ARID4A: variants seen among roughly 807,000 people sequenced by gnomAD.
ARID4A encodes the protein AT-rich interaction domain 4A, also known as AT-rich interactive domain-containing protein 4A.
A neutral mutation model predicts 148.6 loss-of-function variants in ARID4A; 39 were observed. That is an observed-to-expected ratio of 0.26 (90% confidence interval 0.20 to 0.34). The LOEUF is 0.34. Among genes scored for constraint, ARID4A ranks in the 10% least tolerant of loss-of-function variants. The probability of loss-of-function intolerance (pLI) is 1.00; values close to 1 mark genes in which losing one functional copy is unlikely to be tolerated. For synonymous variants in ARID4A, 475 were observed against 481.2 expected, an observed-to-expected ratio of 0.99 and a Z score of 0.17; for missense variants, 1,265 against 1,449.1, an observed-to-expected ratio of 0.87 and a Z score of 2.06.
chr14:58,354,228 A>G (rs1213193869), intron 17 of ARID4A, among the ~76,000 whole-genome samples: 7 of 152,226 alleles, frequency 4.6e-5, no homozygotes, highest in Non-Finnish European at 8.8e-5. Flanking sequence ...ATTACTGACT[A>G]TGAGCAGGGA....
chr14:58,371,248 TAAATA>T (rs775889222), intron 23 of ARID4A, among the ~76,000 whole-genome samples: 10 of 152,224 alleles, frequency 6.6e-5, no homozygotes, highest in African/African-American at 9.6e-5. Context: ...ATTAAAATTT[TAAATA>T]AAATAGGAAC....
chr14:58,323,547 A>G lies in ARID4A; in HGVS notation c.512A>G (p.Asn171Ser). The G allele has an allele frequency of 6.2e-7, 1 of 1,614,024 alleles. No homozygotes were observed. The highest frequency in any genetic ancestry group is 8.5e-7 in the Non-Finnish European group (1 of 1,179,976). The change falls in exon 8 of 24, where the codon AAT becomes AGT. Residue 171 changes from asparagine to serine, a missense_variant. Coordinates refer to ENST00000355431, the MANE Select transcript of ARID4A (RefSeq NM_002892.4). The stretch of plus-strand genomic sequence containing the variant: ...GAAGATGAAGACAAGCGCCGTCTCA[A>G]TGATGAATTACTAGGAAAAGTTGTA... ...EEEDEDKRRL[N>S]DELLGKVVSV...
intron 8 of ARID4A, among the ~76,000 whole-genome samples, chr14:58,325,802 A>G (rs908785079): frequency 1.2e-4 from 18 of 152,142 alleles, no homozygotes; most frequent in Non-Finnish European, 1.9e-4. Context: ...TTTCAGTTGT[A>G]TAGAAAAATA....
chr14:58,340,406 G>T (rs2034057276), intron 11 of ARID4A, among the ~76,000 whole-genome samples: 1 of 152,004 alleles, frequency 6.6e-6, no homozygotes, highest in African/African-American at 2.4e-5. Context: ...CTGGAGTGCA[G>T]TGGCACAATC....
chr14:58,344,065 T>C (rs2034240964), intron 11 of ARID4A, among the ~76,000 whole-genome samples: 1 of 152,114 alleles, frequency 6.6e-6, no homozygotes, highest in Non-Finnish European at 1.5e-5. Context: ...CAAAGTCAAG[T>C]ACAGGGGCCA....
At chr14:58,370,874 G>GT (rs781260529) in intron 23 of ARID4A, among the ~76,000 whole-genome samples, 9 of 152,292 alleles carry the variant, frequency 5.9e-5, no homozygotes, top group Non-Finnish European at 7.3e-5. Context: ...GCCTCCCAAA[G>GT]TGCTGAGATT....
In ARID4A at chr14:58,301,708, G is replaced by A; in HGVS notation, c.117+18G>A. The stretch of plus-strand genomic sequence containing the variant: ...AAGTTAAGGTAATATTTGTTTTTAT[G>A]CAATAGTTTTATTAACTCTAGATTG... On this transcript the variant is annotated intron_variant, in intron 3 of 23. Coordinates refer to ENST00000355431, the MANE Select transcript of ARID4A (RefSeq NM_002892.4). The A allele has an allele frequency of 6.3e-7, 1 of 1,587,290 alleles. No homozygotes were observed. The highest frequency in any genetic ancestry group is 8.6e-7 in the Non-Finnish European group (1 of 1,157,624).
intron 11 of ARID4A, among the ~76,000 whole-genome samples, chr14:58,342,859 A>G (rs147437620): frequency 3.3e-5 from 5 of 152,130 alleles, no homozygotes; most frequent in Non-Finnish European, 7.4e-5. Flanking sequence ...GGTTGCACTG[A>G]GCTGAGATTG....
Position 58,299,111 on chromosome 14 carries a change from G to T in ARID4A, c.-58+411G>T, listed in dbSNP as rs542640720. ...GGCTGTACAAAAAGTTGAGGCGGGCGCTGGGAGGAGGCAGCGGCTGCTGCG... is the reference window on the plus strand; with the variant it reads ...GGCTGTACAAAAAGTTGAGGCGGGCTCTGGGAGGAGGCAGCGGCTGCTGCG... On this transcript the variant is annotated intron_variant, in intron 1 of 23. Coordinates refer to ENST00000355431, the MANE Select transcript of ARID4A (RefSeq NM_002892.4). Among the ~76,000 whole-genome samples, 17 of 152,292 alleles carry T rather than the reference G, an allele frequency of 1.1e-4. No homozygotes were observed. The South Asian group carries it at 2.7e-3, about 24-fold the overall frequency.
chr14:58,344,831 G>A, intron 12 of ARID4A, 64 bp downstream of exon 12: 2 of 1,211,714 alleles, frequency 1.7e-6, no homozygotes, highest in Non-Finnish European at 2.4e-6. Flanking sequence ...CTAGGTATAT[G>A]CATTGTTTTT....
rs760911891 is a variant in ARID4A at position 58,347,001 on chromosome 14, T to C, written c.1075-19T>C. On this transcript the variant is annotated intron_variant, in intron 13 of 23. Transcript: ENST00000355431. ...TTAATTCCCTTTGCAAATGTTAACA[T>C]AAAAACTTAATTTTCCAGATTGATA... The C allele has an allele frequency of 4.1e-5, 17 of 415,434 alleles. No individual in the cohort carries two copies. The Admixed American group carries it at 8.5e-4, about 21-fold the overall frequency. 25.7% of individuals were successfully genotyped at this position (415,434 alleles called of 1,614,324 possible).
At chr14:58,301,085 C>G (rs2031125223) in intron 2 of ARID4A, among the ~76,000 whole-genome samples, 2 of 152,104 alleles carry the variant, frequency 1.3e-5, no homozygotes, top group Non-Finnish European at 2.9e-5. Flanking sequence ...CAGCTTTTAG[C>G]AAATGAATTT....
intron 7 of ARID4A, among the ~76,000 whole-genome samples, chr14:58,321,316 C>T (rs1433706657): frequency 6.6e-6 from 1 of 152,144 alleles, no homozygotes. Context: ...ATTCTTGCTA[C>T]ATTTTTTGGT....
At chr14:58,365,711 T>C in intron 21 of ARID4A, 89 bp downstream of exon 21, 3 of 1,129,846 alleles carry the variant, frequency 2.7e-6, no homozygotes, top group South Asian at 3.0e-5. Flanking sequence ...AGCAATACTA[T>C]ATTGTTTTAT....
chr14:58,358,383 C>G (rs1334490217), intron 17 of ARID4A, among the ~76,000 whole-genome samples: 1 of 152,134 alleles, frequency 6.6e-6, no homozygotes, highest in Non-Finnish European at 1.5e-5. Flanking sequence ...ATGAGAATCA[C>G]TTGAACCCAG....
At chr14:58,345,706 G>GTT (rs2034325701) in intron 12 of ARID4A, among the ~76,000 whole-genome samples, 1 of 89,380 alleles carries the variant, frequency 1.1e-5, no homozygotes, top group East Asian at 3.5e-4. Context: ...TGTTGTGTTT[G>GTT]TTTATGCCTA....
In ARID4A at chr14:58,318,755, T is replaced by C; in HGVS notation, c.399T>C (p.Thr133=). ...LPLTNPEHFG[T]PVIAKKTNRG... is the part of the protein sequence containing the mutation. The stretch of plus-strand genomic sequence containing the variant: ...TAACAAATCCAGAGCATTTTGGAAC[T>C]CCAGTAATTGCAAAGAAGACGAACA... The change falls in exon 7 of 24, where the codon ACT becomes ACC. Residue 133 remains threonine, a synonymous_variant. Transcript: ENST00000355431. 6.2e-7 allele frequency: 1 copy of C among 1,614,110 alleles called. No individual in the cohort carries two copies. Among genetic ancestry groups the C allele is most frequent in the Non-Finnish European group, 8.5e-7 (1 of 1,179,990 alleles).
In ARID4A at chr14:58,340,274, G is replaced by A. The variant is rs183553601; in HGVS notation, c.907-4421G>A. On this transcript the variant is annotated intron_variant, in intron 11 of 23. Coordinates refer to ENST00000355431, the MANE Select transcript of ARID4A (RefSeq NM_002892.4). ...GAGTCTCACTCGTTTTGCCCAGGCT[G>A]GAGTGCAGTGGCGCAGTCTCAGCTG... 3.4e-4 allele frequency among the ~76,000 whole-genome samples: 52 copies of A among 152,176 alleles called. 2 individuals carry two copies. Among genetic ancestry groups the A allele is most frequent in the Admixed American group, 1.5e-3 (23 of 15,276 alleles).
chr14:58,365,572 G>A lies in ARID4A; in HGVS notation c.3266G>A (p.Arg1089His), dbSNP rs369990611. The change falls in exon 21 of 24, where the codon CGT becomes CAT. Residue 1089 changes from arginine (R) to histidine (H), a missense_variant. Arg to His is a conservative substitution (Grantham distance 29). This residue lies in a region of ARID4A where 666 missense variants were observed against 730.9 expected (regional missense o/e 0.91). Transcript: ENST00000355431. Reference protein sequence around the residue: ...NSGLMAKKQKRTPKRTSAAAK... With the variant: ...NSGLMAKKQKHTPKRTSAAAK... ...GGATTAATGGCAAAAAAGCAAAAGC[G>A]TACCCCAAAGCGAACAAGTGCTGCA... 37 of 1,601,478 alleles carry A rather than the reference G, an allele frequency of 2.3e-5. No homozygotes were observed. The highest frequency in any genetic ancestry group is 1.0e-4 in the Admixed American group (6 of 58,436).
Sources: gnomAD v4.1 joint callset for allele counts (sites outside exome capture counted in the v4.1 genomes callset) on GRCh38, gnomAD v4.1.1 for gene constraint, gnomAD v4.1.1 regional missense constraint, MANE v1.5 for transcripts, NCBI Gene and HGNC (gene_info 2026-07-23, HGNC 2026-07-21) for gene names.